Variants in CACNA1G observed in about 807,000 individuals in gnomAD.
The protein encoded by CACNA1G is calcium voltage-gated channel subunit alpha1 G.
A neutral mutation model predicts 219.4 loss-of-function variants in CACNA1G; 67 were observed. That is an observed-to-expected ratio of 0.31 (90% CI 0.25 to 0.37). The LOEUF (loss-of-function observed/expected upper bound fraction) is 0.37, where lower values mean the gene tolerates loss of function less well. CACNA1G is among the 10% of genes least tolerant of loss of function. The pLI is 1.00. For missense variants in CACNA1G, 2,380 were observed against 3,231.4 expected, an observed-to-expected ratio of 0.74 and a Z score of 6.39; for synonymous variants, 1,296 against 1,345.3, an observed-to-expected ratio of 0.96 and a Z score of 0.80.
intron 26 of CACNA1G, among the ~76,000 whole-genome samples, chr17:50,610,648 G>T (rs1393534334): frequency 6.6e-6 from 1 of 152,128 alleles, no homozygotes; most frequent in Non-Finnish European, 1.5e-5. Flanking sequence ...TGGCAGGGCT[G>T]TGGGGCCTCA....
At position 50,561,668 on chromosome 17, in the gene CACNA1G, C is replaced by T; in HGVS notation, c.209C>T (p.Pro70Leu). ...TTCTACTTGAGCCAGGACAGCCGCCCGCGGAGCTGGTGTCTCCGCACGGTC... is the reference window on the plus strand; with the variant it reads ...TTCTACTTGAGCCAGGACAGCCGCCTGCGGAGCTGGTGTCTCCGCACGGTC... ...VFFYLSQDSR[P>L]RSWCLRTVCN... The change falls in exon 1 of 38, where the codon CCG becomes CTG. Residue 70 changes from proline to leucine, a missense_variant. Pro to Leu is a moderately conservative substitution (Grantham distance 98). Coordinates refer to ENST00000359106, the MANE Select transcript of CACNA1G (RefSeq NM_018896.5). 6.2e-7 allele frequency: 1 copy of T among 1,605,698 alleles called. No homozygotes were observed. The highest frequency in any genetic ancestry group is 8.5e-7 in the Non-Finnish European group (1 of 1,176,284).
At chr17:50,598,644 A>G (rs994775055) in intron 16 of CACNA1G, among the ~76,000 whole-genome samples, 43 of 152,208 alleles carry the variant, frequency 2.8e-4, no homozygotes, top group Non-Finnish European at 6.0e-4. Context: ...ATAATAGCCA[A>G]TCCAACAGGT....
rs1168416624 is a variant in CACNA1G at position 50,596,049 on chromosome 17, C to T, written c.2980-513C>T. Among the ~76,000 whole-genome samples the T allele has an allele frequency of 1.3e-5, 2 of 152,156 alleles. No homozygotes were observed. Among genetic ancestry groups the T allele is most frequent in the Non-Finnish European group, 2.9e-5 (2 of 68,026 alleles). On this transcript the variant is annotated intron_variant, in intron 14 of 37. Transcript: ENST00000359106. This position sits in a 1 kb window ranked among gnomAD's most constrained non-coding sequence, Gnocchi z 4.8. Reference sequence around the variant, plus strand: ...ACTTGGGGAAGATGAAGGGAAGACACCGAGGGACTGAAGTGGCGTCCTCGG... The same window carrying T: ...ACTTGGGGAAGATGAAGGGAAGACATCGAGGGACTGAAGTGGCGTCCTCGG...
At chr17:50,602,667 T>C (rs770814540) in intron 19 of CACNA1G, among the ~76,000 whole-genome samples, 153 bp from the exon 20 acceptor site, 5 of 152,096 alleles carry the variant, frequency 3.3e-5, no homozygotes, top group Non-Finnish European at 7.4e-5. Context: ...TCTGTGCGTG[T>C]ATGAGAGGGG....
chr17:50,618,737 C>T lies in CACNA1G; in HGVS notation c.5510C>T (p.Thr1837Met), dbSNP rs202107134. The part of the protein sequence containing the change: ...SPIYFVSFVL[T>M]AQFVLVNVVI... ...ATCTACTTTGTGTCCTTCGTGCTGA[C>T]GGCCCAGTTCGTGCTAGTCAACGTG... Residue 1837 changes from threonine to methionine, a missense_variant, in exon 33 of 38, where the codon ACG becomes ATG. Thr to Met is a moderately conservative substitution (Grantham distance 81, BLOSUM62 -1). Around this residue, in one of 17 missense-constraint regions of CACNA1G, gnomAD observed 33 missense variants for 70.2 expected, o/e 0.47. Transcript: ENST00000359106. The surrounding 1 kb of genome is among the most constrained non-coding windows in gnomAD (Gnocchi z 5.3). The T allele has an allele frequency of 1.1e-4, 179 of 1,613,854 alleles. No homozygotes were observed. Among genetic ancestry groups the T allele is most frequent in the Non-Finnish European group, 1.4e-4 (165 of 1,179,878 alleles).
Position 50,603,717 on chromosome 17 carries a change from T to A in CACNA1G, c.4170-438T>A, listed in dbSNP as rs897251265. Reference sequence around the variant, plus strand: ...CCAGTCACCACCCCCAACTCAGATTTTTTTTTTTTAATAGGGATGATGTGG... The same window carrying A: ...CCAGTCACCACCCCCAACTCAGATTATTTTTTTTTAATAGGGATGATGTGG... On this transcript the variant is annotated intron_variant, in intron 21 of 37. Transcript: ENST00000359106. This position sits in a 1 kb window ranked among gnomAD's most constrained non-coding sequence, Gnocchi z 6.4. Among the ~76,000 whole-genome samples, 4 of 151,568 alleles carry A rather than the reference T, an allele frequency of 2.6e-5. No individual in the cohort carries two copies. The highest frequency in any genetic ancestry group is 5.9e-5 in the Non-Finnish European group (4 of 67,898).
intron 4 of CACNA1G, among the ~76,000 whole-genome samples, chr17:50,570,180 CA>C (rs1335632560): frequency 6.6e-6 from 1 of 152,172 alleles, no homozygotes; most frequent in African/African-American, 2.4e-5. Context: ...GCCTCTCATG[CA>C]ATCTGGTTCT....
chr17:50,585,257 C>T (rs1357018562), intron 9 of CACNA1G, among the ~76,000 whole-genome samples: 3 of 152,186 alleles, frequency 2.0e-5, no homozygotes, highest in African/African-American at 7.2e-5. Context: ...GCGATCCTCC[C>T]ACCCCAGCCT....
At chr17:50,611,379 C>G (rs1264245859) in intron 26 of CACNA1G, among the ~76,000 whole-genome samples, 1 of 152,020 alleles carries the variant, frequency 6.6e-6, no homozygotes, top group Admixed American at 6.5e-5. Flanking sequence ...AAGCTAGAAT[C>G]AGGCAGATGC....
At chr17:50,569,824 C>T (rs1016627598) in intron 4 of CACNA1G, 21 bp downstream of exon 4, 1 of 1,533,506 alleles carries the variant, frequency 6.5e-7, no homozygotes, top group African/African-American at 1.4e-5. Context: ...CCTCAGCCCT[C>T]AGCCCCTGAA....
At chr17:50,592,636 C>T (rs2044576849) in intron 13 of CACNA1G, among the ~76,000 whole-genome samples, 1 of 152,230 alleles carries the variant, frequency 6.6e-6, no homozygotes, top group African/African-American at 2.4e-5. Flanking sequence ...ACCTTCGTCA[C>T]AGGCAGCGTC....
chr17:50,583,917 C>A (rs927289606), intron 9 of CACNA1G, among the ~76,000 whole-genome samples: 5 of 151,972 alleles, frequency 3.3e-5, no homozygotes, highest in African/African-American at 1.2e-4. Context: ...AAGAGGGCCC[C>A]AAGTAAGGCC....
In CACNA1G at chr17:50,617,045, C is replaced by T. The variant is rs1196004390; in HGVS notation, c.5022-393C>T. Among the ~76,000 whole-genome samples, 1 of 152,038 alleles carries T rather than the reference C, an allele frequency of 6.6e-6. No homozygotes were observed. Among genetic ancestry groups the T allele is most frequent in the Non-Finnish European group, 1.5e-5 (1 of 68,010 alleles). On this transcript the variant is annotated intron_variant, in intron 28 of 37. Coordinates refer to ENST00000359106, the MANE Select transcript of CACNA1G (RefSeq NM_018896.5). This position sits in a 1 kb window ranked among gnomAD's most constrained non-coding sequence, Gnocchi z 5.8. ...TTTATTTTTAGTAGATACAGGGTCT[C>T]ACTATGTTGCCCAGGCTGTTCTCGA...
intron 23 of CACNA1G, chr17:50,606,621 C>T: frequency 1.8e-6 from 1 of 550,298 alleles, no homozygotes; most frequent in Non-Finnish European, 3.3e-6. Flanking sequence ...CCCAGACCCA[C>T]TCTGGTTTTG....
chr17:50,591,308 A>G (rs2044283374), intron 10 of CACNA1G, 127 bp from the exon 11 acceptor site: 1 of 925,068 alleles, frequency 1.1e-6, no homozygotes, highest in Non-Finnish European at 1.6e-6. Flanking sequence ...CTGGGGGCCC[A>G]CCTGTGCCCC....
At chr17:50,567,701 A>G (rs1195019730) in intron 1 of CACNA1G, among the ~76,000 whole-genome samples, 1 of 150,986 alleles carries the variant, frequency 6.6e-6, no homozygotes, top group Non-Finnish European at 1.5e-5. Context: ...TAGCCTCTTT[A>G]CTCTTCCCCA....
intron 3 of CACNA1G, 126 bp from the exon 4 acceptor site, chr17:50,569,580 T>C: frequency 1.4e-6 from 1 of 723,736 alleles, no homozygotes; most frequent in African/African-American, 1.8e-5. Context: ...TCAGGGTCCC[T>C]TGGTGAAGAA....
At chr17:50,589,894 T>TCTCTCTCTCTCTCTCTC (rs1555655436) in intron 9 of CACNA1G, among the ~76,000 whole-genome samples, 1 of 138,834 alleles carries the variant, frequency 7.2e-6, no homozygotes, top group African/African-American at 2.8e-5. Flanking sequence ...GCGTGCATTT[T>TCTCTCTCTCTCTCTCTC]TCTCTCTCTC....
intron 33 of CACNA1G, among the ~76,000 whole-genome samples, chr17:50,619,214 C>T (rs995182291): frequency 5.3e-5 from 8 of 152,238 alleles, no homozygotes; most frequent in South Asian, 2.1e-4. Flanking sequence ...CCCCAGCAGA[C>T]GGGCCAGCTT....
Sources: allele counts gnomAD v4.1 joint callset (sites outside exome capture counted in the v4.1 genomes callset), GRCh38; gene constraint gnomAD v4.1.1; regional missense constraint gnomAD v4.1.1; non-coding constraint Gnocchi (gnomAD v3.1); transcripts MANE v1.5; gene names NCBI Gene and HGNC (gene_info 2026-07-23, HGNC 2026-07-21).